ZRANB2: variants seen among roughly 807,000 people sequenced by gnomAD.
ZRANB2 encodes zinc finger RANBP2-type containing 2, also known as zinc finger Ran-binding domain-containing protein 2.
A neutral mutation model predicts 53.4 loss-of-function variants in ZRANB2; 19 were observed. The ratio of observed to expected loss-of-function variants is 0.36; its 90% confidence interval spans 0.25 to 0.52. The LOEUF (loss-of-function observed/expected upper bound fraction) is 0.52. Ranked by LOEUF, ZRANB2 falls within the 20% of genes least tolerant of loss-of-function variation. The pLI is 0.93. For synonymous variants in ZRANB2, 145 were observed against 134.8 expected (o/e 1.08, Z -0.52); for missense variants, 309 against 401.1 (o/e 0.77, Z 1.96).
At chr1:71,071,721 C>T (rs1282739670) in intron 6 of ZRANB2, among the ~76,000 whole-genome samples, 3 of 152,144 alleles carry the variant, frequency 2.0e-5, no homozygotes, top group Admixed American at 2.0e-4. Context: ...AATGTGCTCT[C>T]ACCTCGGCTC....
intron 6 of ZRANB2, 47 bp from the exon 7 acceptor site, chr1:71,071,043 C>T: frequency 1.4e-6 from 2 of 1,457,616 alleles, no homozygotes; most frequent in Non-Finnish European, 1.8e-6. Context: ...TTAGTGTTAC[C>T]TACCAGGAAA....
At chr1:71,079,026 G>A (rs765576622) in intron 1 of ZRANB2, among the ~76,000 whole-genome samples, 9 of 152,150 alleles carry the variant, frequency 5.9e-5, no homozygotes, top group Non-Finnish European at 1.0e-4. Context: ...GAAAGTGAGA[G>A]TTAACTCCAC....
At chr1:71,070,465 C>T (rs1031993450) in intron 7 of ZRANB2, among the ~76,000 whole-genome samples, 20 of 152,048 alleles carry the variant, frequency 1.3e-4, no homozygotes, top group African/African-American at 4.8e-5. Context: ...CTGTGCTAGC[C>T]TTTAACATCT....
At chr1:71,069,428 T>A in intron 7 of ZRANB2, 66 bp from the exon 8 acceptor site, 1 of 1,193,184 alleles carries the variant, frequency 8.4e-7, no homozygotes. Flanking sequence ...ATATGAACAC[T>A]GAAAGAAAGA....
chr1:71,070,224 ATTTTAT>A (rs1349312060), intron 7 of ZRANB2, among the ~76,000 whole-genome samples: 1 of 151,758 alleles, frequency 6.6e-6, no homozygotes, highest in African/African-American at 2.4e-5. Context: ...CTCACCTAAA[ATTTTAT>A]TTTTATTGTT....
At chr1:71,071,080 C>T in intron 6 of ZRANB2, 84 bp from the exon 7 acceptor site, 2 of 1,151,826 alleles carry the variant, frequency 1.7e-6, no homozygotes, top group Non-Finnish European at 2.3e-6. Context: ...GTACTGAGCA[C>T]CTCCATATGC....
chr1:71,065,821 G>C (rs1477707109), intron 9 of ZRANB2: 2 of 1,585,710 alleles, frequency 1.3e-6, no homozygotes, highest in South Asian at 1.1e-5. Flanking sequence ...ATGTGGCTAA[G>C]ATAAAAATTT....
chr1:71,063,816 C>T lies in ZRANB2; in HGVS notation c.*1258G>A, dbSNP rs957937383. Reference sequence around the variant, plus strand: ...TTGTCTATGAAATATCTTAAAATGTCGTAATTTTTATTTAAATTGCAGCAG... The same window carrying T: ...TTGTCTATGAAATATCTTAAAATGTTGTAATTTTTATTTAAATTGCAGCAG... On this transcript the variant is annotated 3_prime_UTR_variant, in exon 10 of 10. Coordinates refer to ENST00000370920, the MANE Select transcript of ZRANB2 (RefSeq NM_203350.3). 3.9e-5 allele frequency: 6 copies of T among 152,002 alleles called. No homozygotes were observed. Among genetic ancestry groups the T allele is most frequent in the Admixed American group, 2.0e-4 (3 of 15,198 alleles). The allele number at this position is 152,002 out of a possible 1,614,324, so 9.4% of individuals were successfully genotyped here. A position where few individuals can be genotyped will look rare whatever the true frequency, so the allele number is the denominator to read the frequency against.
chr1:71,065,732 G>C (rs902761608), intron 9 of ZRANB2: 15 of 1,612,598 alleles, frequency 9.3e-6, no homozygotes, highest in Non-Finnish European at 1.3e-5. Context: ...GGGTTGTTTA[G>C]TGTTTTCACC....
At chr1:71,071,401 GAC>G (rs745610264) in intron 6 of ZRANB2, among the ~76,000 whole-genome samples, 1 of 152,092 alleles carries the variant, frequency 6.6e-6, no homozygotes, top group Non-Finnish European at 1.5e-5. Context: ...TCAATATACT[GAC>G]AGTCATCACT....
rs777766840 is a variant in ZRANB2, at chr1:71,077,946, T to C, written c.218+511A>G. On this transcript the variant is annotated intron_variant, in intron 3 of 9. Transcript: ENST00000370920. Reference sequence around the variant, plus strand: ...TTCATACACATAGGATTCATCTGCATAGAGAAAAGATGGAAGTTGGAAAAA... The same window carrying C: ...TTCATACACATAGGATTCATCTGCACAGAGAAAAGATGGAAGTTGGAAAAA... Among the ~76,000 whole-genome samples the C allele has an allele frequency of 3.9e-4, 59 of 152,138 alleles. 1 individual carries two copies. Among genetic ancestry groups the C allele is most frequent in the Admixed American group, 1.3e-4 (2 of 15,272 alleles).
At chr1:71,071,299 T>G (rs984170094) in intron 6 of ZRANB2, among the ~76,000 whole-genome samples, 1 of 152,132 alleles carries the variant, frequency 6.6e-6, no homozygotes, top group African/African-American at 2.4e-5. Context: ...ATTTTTAGTC[T>G]TAGACACTCT....
intron 1 of ZRANB2, among the ~76,000 whole-genome samples, chr1:71,080,211 CA>C (rs1301929210): frequency 6.7e-6 from 1 of 150,190 alleles, no homozygotes; most frequent in Admixed American, 6.6e-5. Context: ...GTGCACCCTT[CA>C]AAAAAAATCT....
chr1:71,070,898 T>C lies in ZRANB2; in HGVS notation c.612A>G (p.Ser204=), dbSNP rs113132897. ...ATCGTGAATGTGAAGATCGAGACTT[T>C]GAGCGACTTCGTCTATTAGATTTCT... is the stretch of plus-strand genomic sequence containing the variant. ...NKKKSNRRSR[S]KSRSSHSRSS... The change falls in exon 7 of 10, where the codon TCA becomes TCG. Residue 204 remains serine (S), a synonymous_variant. Transcript: ENST00000370920. 8.7e-6 allele frequency: 14 copies of C among 1,611,584 alleles called. No homozygotes were observed. In the African/African-American group the frequency reaches 1.3e-4, roughly 15 times the overall value.
At position 71,063,448 on chromosome 1, in the gene ZRANB2, A is replaced by G. The variant is rs1056461474; in HGVS notation, c.*1626T>C. On this transcript the variant is annotated 3_prime_UTR_variant, in exon 10 of 10. Transcript: ENST00000370920. ...AATCATAATCATCAGAATTGTCTGT[A>G]AACTACTATTAGCTAAATTATAACC... 6.6e-6 allele frequency: 1 copy of G among 152,458 alleles called. No homozygotes were observed. The highest frequency in any genetic ancestry group is 1.5e-5 in the Non-Finnish European group (1 of 67,902). The allele number at this position is 152,458 out of a possible 1,614,324, so 9.4% of individuals were successfully genotyped here.
In ZRANB2 at chr1:71,078,655, C is replaced by T; in HGVS notation, c.109+1G>A. The T allele has an allele frequency of 6.2e-7, 1 of 1,612,636 alleles. No homozygotes were observed. Among genetic ancestry groups the T allele is most frequent in the Non-Finnish European group, 8.5e-7 (1 of 1,178,864 alleles). ...AAATAGAATCTTCTTTAAATACTTA[C>T]CCCGACCACATCGATTACAGCTGGT... On this transcript the variant is annotated splice_donor_variant, in intron 2 of 9. Coordinates refer to ENST00000370920, the MANE Select transcript of ZRANB2 (RefSeq NM_203350.3). LOFTEE classifies it high-confidence loss of function.
chr1:71,064,953 A>T lies in ZRANB2; in HGVS notation c.*121T>A. The stretch of plus-strand genomic sequence containing the variant: ...ACACAGCTGTATTGTTTTGAAAAGC[A>T]ATGAAAGGCATGCACCTCTACTAGC... On this transcript the variant is annotated 3_prime_UTR_variant, in exon 10 of 10. Coordinates refer to ENST00000370920, the MANE Select transcript of ZRANB2 (RefSeq NM_203350.3). 1 of 577,318 alleles carries T rather than the reference A, an allele frequency of 1.7e-6. No homozygotes were observed. Among genetic ancestry groups the T allele is most frequent in the Non-Finnish European group, 3.1e-6 (1 of 326,220 alleles). 35.8% of individuals were successfully genotyped at this position (577,318 alleles called of 1,614,324 possible). A position where few individuals can be genotyped will look rare whatever the true frequency, so the allele number is the denominator to read the frequency against.
chr1:71,074,189 T>C (rs570080530), intron 4 of ZRANB2, among the ~76,000 whole-genome samples: 2 of 152,128 alleles, frequency 1.3e-5, no homozygotes, highest in African/African-American at 2.4e-5. Context: ...GTAAGACTCT[T>C]TTGCTCACCT....
At position 71,076,778 on chromosome 1, in the gene ZRANB2, A is replaced by G. The variant is rs374133468; in HGVS notation, c.301+17T>C. 41 of 1,569,450 alleles carry G rather than the reference A, an allele frequency of 2.6e-5. No homozygotes were observed. Among genetic ancestry groups the G allele is most frequent in the Non-Finnish European group, 3.6e-5 (41 of 1,144,730 alleles). On this transcript the variant is annotated intron_variant, in intron 4 of 9. Transcript: ENST00000370920. ...CTTTAAAAAAAATCATTTAGTTACA[A>G]TGTGGTTTTATCATACCTGTTCTTT...
Sources: gnomAD v4.1 joint callset for allele counts (sites outside exome capture counted in the v4.1 genomes callset) on GRCh38, gnomAD v4.1.1 for gene constraint, MANE v1.5 for transcripts, NCBI Gene and HGNC (gene_info 2026-07-23, HGNC 2026-07-21) for gene names.